The following CKS2 variants were observed in gnomAD, a reference collection of about 807,000 sequenced individuals.
CKS2 encodes cyclin-dependent kinases regulatory subunit 2.
CKS2 carries 4 observed loss-of-function variants against 14.3 expected under a neutral mutation model. The ratio of observed to expected loss-of-function variants is 0.28; its 90% confidence interval spans 0.14 to 0.64. The LOEUF is 0.64. Among genes scored for constraint, CKS2 ranks in the 30% least tolerant of loss-of-function variants. The pLI is 0.83. For synonymous variants in CKS2, 33 were observed against 28.7 expected (o/e 1.15, Z -0.48); for missense variants, 71 against 94.3 (o/e 0.75, Z 1.02).
chr9:89,314,991 T>C (rs1421261850), intron 1 of CKS2, among the ~76,000 whole-genome samples, 179 bp from the exon 2 acceptor site: 1 of 152,176 alleles, frequency 6.6e-6, no homozygotes, highest in Non-Finnish European at 1.5e-5. Flanking sequence ...GGAAAATGCT[T>C]TCTGCTTTTG....
chr9:89,311,207 C>G lies in CKS2; in HGVS notation c.-86C>G, dbSNP rs1307547335. The G allele has an allele frequency of 9.9e-6, 11 of 1,106,192 alleles. No individual in the cohort carries two copies. The highest frequency in any genetic ancestry group is 1.5e-5 in the Non-Finnish European group (11 of 738,942). The allele number at this position is 1,106,192 out of a possible 1,614,324, so 68.5% of individuals were successfully genotyped here. A position where few individuals can be genotyped will look rare whatever the true frequency, so the allele number is the denominator to read the frequency against. On this transcript the variant is annotated 5_prime_UTR_variant, in exon 1 of 3. Coordinates refer to ENST00000314355, the MANE Select transcript of CKS2 (RefSeq NM_001827.3). ...TGGGACTGCGGTCGTTAGTCTCCGG[C>G]GAGTTGTTGCCTGGGCTGGACGTGG...
At chr9:89,314,250 A>G (rs947567822) in intron 1 of CKS2, among the ~76,000 whole-genome samples, 5 of 152,200 alleles carry the variant, frequency 3.3e-5, no homozygotes, top group African/African-American at 4.8e-5. Flanking sequence ...TTCTTACTCA[A>G]TTTGGGGAAA....
intron 1 of CKS2, chr9:89,312,171 G>C (rs1254166736): frequency 1.3e-5 from 2 of 154,588 alleles, no homozygotes; most frequent in Non-Finnish European, 1.5e-5. Context: ...TTTTGCGTTT[G>C]AGTCCTGAAG....
chr9:89,311,215 T>G lies in CKS2; in HGVS notation c.-78T>G. On this transcript the variant is annotated 5_prime_UTR_variant, in exon 1 of 3. Transcript: ENST00000314355. ...CGGTCGTTAGTCTCCGGCGAGTTGT[T>G]GCCTGGGCTGGACGTGGTTTTGTCT... 8.1e-7 allele frequency: 1 copy of G among 1,239,844 alleles called. No homozygotes were observed. The highest frequency in any genetic ancestry group is 1.3e-5 in the South Asian group (1 of 79,954). 76.8% of individuals were successfully genotyped at this position (1,239,844 alleles called of 1,614,324 possible).
intron 1 of CKS2, among the ~76,000 whole-genome samples, 188 bp downstream of exon 1, chr9:89,311,539 G>A (rs994186978): frequency 6.6e-6 from 1 of 152,234 alleles, no homozygotes; most frequent in Non-Finnish European, 1.5e-5. Context: ...ATGGTTGGGT[G>A]CCTGGCCGCG....
At chr9:89,316,108 A>C (rs554984601) in intron 2 of CKS2, among the ~76,000 whole-genome samples, 2 of 151,410 alleles carry the variant, frequency 1.3e-5, no homozygotes, top group Admixed American at 1.3e-4. Context: ...CCACCTATTG[A>C]AACAGAATCT....
Position 89,315,533 on chromosome 9 carries a change from TAAAA to T in CKS2, c.187+252_187+255del, listed in dbSNP as rs3080706. On this transcript the variant is annotated intron_variant, in intron 2 of 2. Transcript: ENST00000314355. ...TCTACTTGGAAAATAATGTAAGAAGTAAAAAAAAAAAAAAAAAAATGTATTTTAA... is the reference window on the plus strand; with the variant it reads ...TCTACTTGGAAAATAATGTAAGAAGTAAAAAAAAAAAAAAATGTATTTTAA... 2.5e-3 allele frequency among the ~76,000 whole-genome samples: 335 copies of T among 132,466 alleles called. 4 individuals carry two copies. The highest frequency in any genetic ancestry group is 3.7e-3 in the African/African-American group (131 of 35,302). 86.9% of individuals were successfully genotyped at this position (132,466 alleles called of 152,430 possible). A position where few individuals can be genotyped will look rare whatever the true frequency, so the allele number is the denominator to read the frequency against.
intron 1 of CKS2, among the ~76,000 whole-genome samples, chr9:89,314,961 G>A (rs79703059): frequency 0.029 from 4,477 of 152,270 alleles, 72 homozygotes; most frequent in African/African-American, 0.041. Flanking sequence ...TCTGTGATAA[G>A]AGAAAAAGAT....
chr9:89,313,268 A>T (rs1035984475), intron 1 of CKS2, among the ~76,000 whole-genome samples: 2 of 152,106 alleles, frequency 1.3e-5, no homozygotes, highest in Non-Finnish European at 2.9e-5. Flanking sequence ...AGTTATCTCT[A>T]TCTTTCTTTG....
intron 1 of CKS2, 22 bp from the exon 2 acceptor site, chr9:89,315,148 A>G (rs2131464134): frequency 1.3e-6 from 2 of 1,598,198 alleles, no homozygotes; most frequent in Non-Finnish European, 1.7e-6. Flanking sequence ...CTGGACTAAC[A>G]CTTGGCTGTA....
At chr9:89,311,882 T>C (rs1824616664) in intron 1 of CKS2, among the ~76,000 whole-genome samples, 1 of 152,206 alleles carries the variant, frequency 6.6e-6, no homozygotes, top group Admixed American at 6.5e-5. Flanking sequence ...AAATGGTCAT[T>C]TTCATCTGTT....
chr9:89,316,581 G>C lies in CKS2; in HGVS notation c.*156G>C, dbSNP rs533076595. ...CAACAGAGCTCAGTTAAATGCAACT[G>C]CAAGTAGGTTACTGTAAGATGTTTA... is the stretch of plus-strand genomic sequence containing the variant. On this transcript the variant is annotated 3_prime_UTR_variant, in exon 3 of 3. Coordinates refer to ENST00000314355, the MANE Select transcript of CKS2 (RefSeq NM_001827.3). 2.1e-4 allele frequency: 99 copies of C among 479,860 alleles called. No individual in the cohort carries two copies. The Admixed American group carries it at 3.4e-3, about 17-fold the overall frequency. The allele number at this position is 479,860 out of a possible 1,614,324, so 29.7% of individuals were successfully genotyped here. A position where few individuals can be genotyped will look rare whatever the true frequency, so the allele number is the denominator to read the frequency against.
intron 2 of CKS2, among the ~76,000 whole-genome samples, chr9:89,316,052 G>T (rs1824705639): frequency 6.6e-6 from 1 of 152,156 alleles, no homozygotes; most frequent in African/African-American, 2.4e-5. Context: ...ATTCAGTCCA[G>T]ATAATACAAA....
intron 1 of CKS2, among the ~76,000 whole-genome samples, chr9:89,313,904 T>C (rs1350575567): frequency 6.6e-6 from 1 of 152,238 alleles, no homozygotes; most frequent in African/African-American, 2.4e-5. Flanking sequence ...CTTGGTGGCC[T>C]TAAGGCAATC....
Position 89,311,297 on chromosome 9 carries a change from C to T in CKS2, c.5C>T (p.Ala2Val). The T allele has an allele frequency of 1.2e-6, 2 of 1,611,084 alleles. No homozygotes were observed. The highest frequency in any genetic ancestry group is 1.7e-6 in the Non-Finnish European group (2 of 1,178,730). M[A>V]HKQIYYSDKY... ...TTTCTGCAGCGCGCCAGCAGGATGG[C>T]CCACAAGCAGATCTACTACTCGGAC... is the stretch of plus-strand genomic sequence containing the variant. Residue 2 changes from alanine (A) to valine (V), a missense_variant, in exon 1 of 3, where the codon GCC becomes GTC. Physicochemically the swap from Ala to Val is moderately conservative, Grantham distance 64. Coordinates refer to ENST00000314355, the MANE Select transcript of CKS2 (RefSeq NM_001827.3).
Position 89,315,039 on chromosome 9 carries a change from C to T in CKS2, c.60-131C>T. The T allele has an allele frequency of 1.1e-5, 7 of 637,764 alleles. No individual in the cohort carries two copies. The South Asian group carries it at 2.1e-4, about 19-fold the overall frequency. The allele number at this position is 637,764 out of a possible 1,614,324, so 39.5% of individuals were successfully genotyped here. On this transcript the variant is annotated intron_variant, in intron 1 of 2. Transcript: ENST00000314355. ...TTAGCTCCCTAATTTGAACATAGGCCATCATATCAGAATTAAAGGTAGTAG... is the reference window on the plus strand; with the variant it reads ...TTAGCTCCCTAATTTGAACATAGGCTATCATATCAGAATTAAAGGTAGTAG...
chr9:89,314,860 G>C (rs1227693074), intron 1 of CKS2, among the ~76,000 whole-genome samples: 1 of 152,132 alleles, frequency 6.6e-6, no homozygotes, highest in Non-Finnish European at 1.5e-5. Flanking sequence ...CTTATATCTT[G>C]TTGGCTTATG....
chr9:89,311,670 G>A (rs955333634), intron 1 of CKS2, among the ~76,000 whole-genome samples: 1 of 152,218 alleles, frequency 6.6e-6, no homozygotes, highest in African/African-American at 2.4e-5. Flanking sequence ...CCTCGGCGAC[G>A]CGGAGTGACC....
At chr9:89,311,374 G>A (rs1247372984) in intron 1 of CKS2, 23 bp downstream of exon 1, 1 of 1,589,288 alleles carries the variant, frequency 6.3e-7, no homozygotes, top group East Asian at 2.4e-5. Context: ...CTTAGACCCC[G>A]AGCCGGCTCC....
Sources: gnomAD v4.1 joint callset for allele counts (sites outside exome capture counted in the v4.1 genomes callset) on GRCh38, gnomAD v4.1.1 for gene constraint, MANE v1.5 for transcripts, NCBI Gene and HGNC (gene_info 2026-07-23, HGNC 2026-07-21) for gene names.